The following DNAJC5 variants were observed in gnomAD, a reference collection of about 807,000 sequenced individuals.
The protein encoded by DNAJC5 is DnaJ heat shock protein family (Hsp40) member C5.
DNAJC5 carries 1 observed loss-of-function variant against 23.2 expected under a neutral mutation model. The observed-to-expected ratio is 0.04, with a 90% CI of 0.02 to 0.20. The LOEUF is 0.20. Among genes scored for constraint, DNAJC5 ranks in the 10% least tolerant of loss-of-function variants. DNAJC5 has a pLI of 1.00. For missense variants in DNAJC5, 180 were observed against 267.0 expected, an observed-to-expected ratio of 0.67 and a Z score of 2.27; for synonymous variants, 136 against 120.0, an observed-to-expected ratio of 1.13 and a Z score of -0.87.
intron 1 of DNAJC5, among the ~76,000 whole-genome samples, chr20:63,916,770 C>T (rs1257544384): frequency 6.6e-6 from 1 of 152,134 alleles, no homozygotes; most frequent in Non-Finnish European, 1.5e-5. Context: ...TGTAGACCTC[C>T]CCCCAGGAAT....
At chr20:63,924,527 A>G (rs969881575) in intron 1 of DNAJC5, among the ~76,000 whole-genome samples, 5 of 152,206 alleles carry the variant, frequency 3.3e-5, no homozygotes, top group Admixed American at 2.0e-4. Context: ...CTAGGACCAC[A>G]GACATGAGCC....
intron 1 of DNAJC5, among the ~76,000 whole-genome samples, chr20:63,923,423 CAG>C (rs547298231): frequency 3.7e-4 from 55 of 148,838 alleles, no homozygotes; most frequent in South Asian, 1.5e-3. Flanking sequence ...GCCTGGGCAA[CAG>C]AGAAAAACCT....
At chr20:63,897,822 T>C (rs2146267211) in intron 1 of DNAJC5, among the ~76,000 whole-genome samples, 1 of 152,300 alleles carries the variant, frequency 6.6e-6, no homozygotes, top group Middle Eastern at 3.4e-3. Flanking sequence ...CAGAGGCTGC[T>C]TGGTGACTTG....
intron 1 of DNAJC5, among the ~76,000 whole-genome samples, chr20:63,911,040 A>C (rs568141116): frequency 1.3e-5 from 2 of 152,150 alleles, no homozygotes; most frequent in South Asian, 4.2e-4. Flanking sequence ...TTTCTTTTTG[A>C]ATTACTGTAT....
At chr20:63,911,368 C>T (rs773778944) in intron 1 of DNAJC5, among the ~76,000 whole-genome samples, 55 of 152,180 alleles carry the variant, frequency 3.6e-4, no homozygotes, top group Admixed American at 6.5e-4. Context: ...TTGTGACTCA[C>T]GAGGGCAGGC....
At chr20:63,926,302 A>G (rs949632585) in intron 1 of DNAJC5, among the ~76,000 whole-genome samples, 2 of 152,176 alleles carry the variant, frequency 1.3e-5, no homozygotes, top group Non-Finnish European at 2.9e-5. Flanking sequence ...TCACGCCTCT[A>G]GGATCTGTAG....
chr20:63,895,526 GC>G (rs1278017756), intron 1 of DNAJC5, among the ~76,000 whole-genome samples: 4 of 148,916 alleles, frequency 2.7e-5, no homozygotes, highest in African/African-American at 9.8e-5. Context: ...GAAGGTCGGC[GC>G]CGGGGCCTGC....
intron 1 of DNAJC5, among the ~76,000 whole-genome samples, chr20:63,927,219 A>G (rs2053623680): frequency 6.6e-6 from 1 of 151,770 alleles, no homozygotes; most frequent in Non-Finnish European, 1.5e-5. Flanking sequence ...GAAACAATGT[A>G]GAAACAATGT....
rs762344309 is a variant in DNAJC5 at position 63,929,502 on chromosome 20, G to A, written c.298G>A (p.Val100Met). 3.1e-6 allele frequency: 5 copies of A among 1,614,002 alleles called. No individual in the cohort carries two copies. The highest frequency in any genetic ancestry group is 1.1e-5 in the South Asian group (1 of 91,090). ...FGEENVNTYF[V>M]LSSWWAKALF... The stretch of plus-strand genomic sequence containing the variant: ...GGAAGAGAACGTGAACACCTACTTC[G>A]TGCTGTCCAGCTGGTGGGCCAAGGT... The change falls in exon 3 of 5, where the codon GTG becomes ATG. Residue 100 changes from valine to methionine, a missense_variant. Val to Met is a conservative substitution (Grantham distance 21). This residue lies in a region of DNAJC5 where 6 missense variants were observed against 36.8 expected (regional missense o/e 0.16). Coordinates refer to ENST00000360864, the MANE Select transcript of DNAJC5 (RefSeq NM_025219.3). The surrounding 1 kb of genome is among the most constrained non-coding windows in gnomAD (Gnocchi z 8.6).
At position 63,932,685 on chromosome 20, in the gene DNAJC5, C is replaced by G. The variant is rs530334605; in HGVS notation, c.*1117C>G. ...AGGCAGAGCCAGATTCGTTAGGTCC[C>G]TGGAGGAAGGACTGACTGGACCAGA... is the stretch of plus-strand genomic sequence containing the variant. On this transcript the variant is annotated 3_prime_UTR_variant, in exon 5 of 5. Transcript: ENST00000360864. This position sits in a 1 kb window ranked among gnomAD's most constrained non-coding sequence, Gnocchi z 4.4. 2.8e-4 allele frequency: 43 copies of G among 152,512 alleles called. No homozygotes were observed. Among genetic ancestry groups the G allele is most frequent in the African/African-American group, 1.0e-3 (42 of 41,572 alleles). 9.4% of individuals were successfully genotyped at this position (152,512 alleles called of 1,614,324 possible). A position where few individuals can be genotyped will look rare whatever the true frequency, so the allele number is the denominator to read the frequency against.
At chr20:63,896,193 T>C (rs2053374372) in intron 1 of DNAJC5, among the ~76,000 whole-genome samples, 1 of 152,250 alleles carries the variant, frequency 6.6e-6, no homozygotes, top group African/African-American at 2.4e-5. Flanking sequence ...TTGTCATGGT[T>C]ACCTGAAGGC....
intron 1 of DNAJC5, among the ~76,000 whole-genome samples, chr20:63,898,597 A>T (rs370027313): frequency 1.9e-4 from 29 of 152,282 alleles, no homozygotes; most frequent in African/African-American, 7.0e-4. Context: ...TAATCCCAGC[A>T]CTTTGGGAGG....
intron 1 of DNAJC5, among the ~76,000 whole-genome samples, chr20:63,914,391 T>G (rs2053502381): frequency 6.6e-6 from 1 of 152,148 alleles, no homozygotes; most frequent in Non-Finnish European, 1.5e-5. Flanking sequence ...CTCCGCTCAC[T>G]GCAAGCTCCC....
intron 1 of DNAJC5, among the ~76,000 whole-genome samples, chr20:63,910,794 T>TC: frequency 6.6e-6 from 1 of 151,632 alleles, no homozygotes; most frequent in African/African-American, 2.4e-5. Context: ...TGCCTCAGCC[T>TC]CCCAAGTAGC....
At chr20:63,927,062 G>C (rs2053622308) in intron 1 of DNAJC5, among the ~76,000 whole-genome samples, 1 of 152,196 alleles carries the variant, frequency 6.6e-6, no homozygotes, top group African/African-American at 2.4e-5. Context: ...AGTGCTGTGT[G>C]TGACCTCATT....
At chr20:63,925,543 CAG>C (rs1474637475) in intron 1 of DNAJC5, among the ~76,000 whole-genome samples, 1 of 151,648 alleles carries the variant, frequency 6.6e-6, no homozygotes, top group African/African-American at 2.4e-5. Flanking sequence ...GGGGATCAAT[CAG>C]AGGAAAGTGT....
chr20:63,901,358 C>T (rs2053410242), intron 1 of DNAJC5, among the ~76,000 whole-genome samples: 2 of 152,204 alleles, frequency 1.3e-5, no homozygotes, highest in Admixed American at 6.5e-5. Context: ...CTGTGCCCTG[C>T]CCTCCTTGCT....
intron 1 of DNAJC5, among the ~76,000 whole-genome samples, chr20:63,897,009 G>C (rs942559303): frequency 3.9e-5 from 6 of 152,200 alleles, no homozygotes; most frequent in Non-Finnish European, 7.3e-5. Context: ...AGACAGCCAG[G>C]TAAGGGGTGG....
At chr20:63,927,104 C>T (rs1200013006) in intron 1 of DNAJC5, among the ~76,000 whole-genome samples, 4 of 152,170 alleles carry the variant, frequency 2.6e-5, no homozygotes, top group Non-Finnish European at 2.9e-5. Context: ...GCTTGAAGCC[C>T]TAACATGTGG....
Sources: allele counts gnomAD v4.1 joint callset (sites outside exome capture counted in the v4.1 genomes callset), GRCh38; gene constraint gnomAD v4.1.1; regional missense constraint gnomAD v4.1.1; non-coding constraint Gnocchi (gnomAD v3.1); transcripts MANE v1.5; gene names NCBI Gene and HGNC (gene_info 2026-07-23, HGNC 2026-07-21).